Variants in INSYN1 observed in about 807,000 individuals in gnomAD.
The protein encoded by INSYN1 is inhibitory synaptic factor 1.
INSYN1 carries 7 observed loss-of-function variants against 17.1 expected under a neutral mutation model. The observed-to-expected ratio is 0.41, with a 90% CI of 0.23 to 0.77. The LOEUF (loss-of-function observed/expected upper bound fraction) is 0.77, where lower values mean the gene tolerates loss of function less well. Ranked by LOEUF, INSYN1 falls within the 30% of genes least tolerant of loss-of-function variation. The probability of loss-of-function intolerance (pLI) is 0.32; values close to 1 mark genes in which losing one functional copy is unlikely to be tolerated. For synonymous variants in INSYN1, 174 were observed against 166.3 expected (o/e 1.05, Z -0.36); for missense variants, 339 against 400.6 (o/e 0.85, Z 1.31).
At chr15:73,742,329 GGTATGACAATCCCAGACCACCAAGTGA>G (rs1402495531) in intron 2 of INSYN1, among the ~76,000 whole-genome samples, 3 of 152,104 alleles carry the variant, frequency 2.0e-5, no homozygotes, top group Admixed American at 6.5e-5. Context: ...CCTCCAAGTG[GGTATGACAATCCCAGACCACCAAGTGA>G]GTATGACAAT....
chr15:73,742,107 T>C (rs1219249441), intron 2 of INSYN1, among the ~76,000 whole-genome samples: 2 of 152,174 alleles, frequency 1.3e-5, no homozygotes, highest in Admixed American at 1.3e-4. Flanking sequence ...TAGGACTCTG[T>C]TTATAGGAAT....
rs1040770445 is a variant in INSYN1, at chr15:73,738,371, C to T, written c.*1546G>A. On this transcript the variant is annotated 3_prime_UTR_variant, in exon 3 of 3. Transcript: ENST00000569673. ...GGGCAGGTACTGAACTACTTTGAAC[C>T]TCAGTCATCTCATTTGAAAAATGGG... 2 of 152,220 alleles carry T rather than the reference C, an allele frequency of 1.3e-5. No homozygotes were observed. The highest frequency in any genetic ancestry group is 2.9e-5 in the Non-Finnish European group (2 of 68,038). The allele number at this position is 152,220 out of a possible 1,614,324, so 9.4% of individuals were successfully genotyped here.
Position 73,739,925 on chromosome 15 carries a change from T to C in INSYN1, c.874A>G (p.Lys292Glu). 1 of 1,587,962 alleles carries C rather than the reference T, an allele frequency of 6.3e-7. No homozygotes were observed. ...YTATRQKARG[K>E]N ...GGCCCCCTCCCCGGCCCCTAGTTTT[T>C]CCCCCTGGCTTTCTGTCTAGTGGCT... The change falls in exon 3 of 3, where the codon AAA (lysine) becomes GAA (glutamate). Residue 292 changes from lysine (K) to glutamate (E), a missense_variant. Lys to Glu is a moderately conservative substitution (Grantham distance 56). Coordinates refer to ENST00000569673, the MANE Select transcript of INSYN1 (RefSeq NM_001039614.3).
chr15:73,742,343 A>G (rs1901711326), intron 2 of INSYN1, among the ~76,000 whole-genome samples: 1 of 152,196 alleles, frequency 6.6e-6, no homozygotes, highest in South Asian at 2.1e-4. Flanking sequence ...TGACAATCCC[A>G]GACCACCAAG....
chr15:73,740,334 C>T lies in INSYN1; in HGVS notation c.465G>A (p.Glu155=), dbSNP rs771505477. ...CCTCCTCACTGGAGGAGTCTGGGGT[C>T]TCCACTCGTGGCCCATTGGGGATGG... ...GTPIPNGPRV[E]TPDSSSEEAF... is the part of the protein sequence containing the mutation. The change falls in exon 3 of 3, where the codon GAG becomes GAA. Residue 155 remains glutamate, a synonymous_variant. Coordinates refer to ENST00000569673, the MANE Select transcript of INSYN1 (RefSeq NM_001039614.3). The T allele has an allele frequency of 4.3e-6, 7 of 1,609,410 alleles. No homozygotes were observed. In the South Asian group the frequency reaches 7.7e-5, roughly 18 times the overall value.
rs1245620725 is a variant in INSYN1, at chr15:73,736,761, TG to T, written c.*3155del. 6.6e-6 allele frequency: 1 copy of T among 152,208 alleles called. No individual in the cohort carries two copies. Among genetic ancestry groups the T allele is most frequent in the Admixed American group, 6.5e-5 (1 of 15,276 alleles). 9.4% of individuals were successfully genotyped at this position (152,208 alleles called of 1,614,324 possible). A position where few individuals can be genotyped will look rare whatever the true frequency, so the allele number is the denominator to read the frequency against. On this transcript the variant is annotated 3_prime_UTR_variant, in exon 3 of 3. Coordinates refer to ENST00000569673, the MANE Select transcript of INSYN1 (RefSeq NM_001039614.3). ...ATACAAAACTTAGTAGCTGGGGTGG[TG>T]GCGGGTGCCTGTAGTCCAAGCTACT...
At position 73,751,435 on chromosome 15, in the gene INSYN1, G is replaced by A. The variant is rs1040246181; in HGVS notation, c.-305C>T. 9.5e-6 allele frequency: 4 copies of A among 421,136 alleles called. No individual in the cohort carries two copies. The highest frequency in any genetic ancestry group is 2.5e-5 in the South Asian group (1 of 40,236). 26.1% of individuals were successfully genotyped at this position (421,136 alleles called of 1,614,324 possible). A position where few individuals can be genotyped will look rare whatever the true frequency, so the allele number is the denominator to read the frequency against. ...GTGGCCTCCAGGTCTTGAAGTGCCT[G>A]TGGGTGTGCAGAGCTGATCTCTGCC... is the stretch of plus-strand genomic sequence containing the variant. On this transcript the variant is annotated 5_prime_UTR_variant, in exon 2 of 3. Coordinates refer to ENST00000569673, the MANE Select transcript of INSYN1 (RefSeq NM_001039614.3).
In INSYN1 at chr15:73,743,828, C is replaced by CAAAA. The variant is rs71434209; in HGVS notation, c.157-3190_157-3187dup. Among the ~76,000 whole-genome samples, 126 of 21,244 alleles carry CAAAA rather than the reference C, an allele frequency of 5.9e-3. 6 individuals carry two copies. The highest frequency in any genetic ancestry group is 0.018 in the African/African-American group (102 of 5,746). 13.9% of individuals were successfully genotyped at this position (21,244 alleles called of 152,430 possible). A position where few individuals can be genotyped will look rare whatever the true frequency, so the allele number is the denominator to read the frequency against. On this transcript the variant is annotated intron_variant, in intron 2 of 2. Transcript: ENST00000569673. ...CTGGCAACAGAGAGAGACTCTGTCT[C>CAAAA]AAAAAAAAAAAAAAAAAAAAAAAAA...
In INSYN1 at chr15:73,739,246, C is replaced by T. The variant is rs978951999; in HGVS notation, c.*671G>A. On this transcript the variant is annotated 3_prime_UTR_variant, in exon 3 of 3. Coordinates refer to ENST00000569673, the MANE Select transcript of INSYN1 (RefSeq NM_001039614.3). ...GTGGTCCAGACCCTCCAATCAAACC[C>T]CTGCCCAGCCCAGGCGATCCTTCAG... 2.6e-5 allele frequency: 4 copies of T among 152,348 alleles called. No individual in the cohort carries two copies. Among genetic ancestry groups the T allele is most frequent in the Admixed American group, 1.3e-4 (2 of 15,288 alleles). The allele number at this position is 152,348 out of a possible 1,614,324, so 9.4% of individuals were successfully genotyped here. A position where few individuals can be genotyped will look rare whatever the true frequency, so the allele number is the denominator to read the frequency against.
rs1404198968 is a variant in INSYN1, at chr15:73,738,499, A to C, written c.*1418T>G. The C allele has an allele frequency of 1.3e-5, 2 of 152,186 alleles. No individual in the cohort carries two copies. Among genetic ancestry groups the C allele is most frequent in the Non-Finnish European group, 2.9e-5 (2 of 68,040 alleles). 9.4% of individuals were successfully genotyped at this position (152,186 alleles called of 1,614,324 possible). The stretch of plus-strand genomic sequence containing the variant: ...AGGAGTTCAGACCAGCCTGCCCAAC[A>C]TGGTGAAACCCCGTCTCTACTAAAA... On this transcript the variant is annotated 3_prime_UTR_variant, in exon 3 of 3. Transcript: ENST00000569673.
intron 2 of INSYN1, among the ~76,000 whole-genome samples, chr15:73,745,315 C>T (rs965939401): frequency 3.9e-5 from 6 of 152,020 alleles, no homozygotes; most frequent in Non-Finnish European, 7.4e-5. Flanking sequence ...ACCACCCCTA[C>T]ACACTCACAC....
rs568593027 is a variant in INSYN1 at position 73,742,043 on chromosome 15, G to A, written c.157-1401C>T. ...GGTCTCAGTTGCCCAGTCTGTAAGC[G>A]AAGAGGGTGGGTGAACTAGTTTATT... On this transcript the variant is annotated intron_variant, in intron 2 of 2. Transcript: ENST00000569673. Among the ~76,000 whole-genome samples, 16 of 152,318 alleles carry A rather than the reference G, an allele frequency of 1.1e-4. No individual in the cohort carries two copies. The South Asian group carries it at 1.5e-3, about 14-fold the overall frequency.
intron 2 of INSYN1, among the ~76,000 whole-genome samples, chr15:73,750,045 C>T (rs1901939408): frequency 6.6e-6 from 1 of 152,212 alleles, no homozygotes; most frequent in South Asian, 2.1e-4. Context: ...AATCACTCTC[C>T]CTGCCATCTC....
rs1050911092 is a variant in INSYN1 at position 73,752,875 on chromosome 15, T to C, written c.-1333A>G. 4.7e-5 allele frequency: 7 copies of C among 148,008 alleles called. No individual in the cohort carries two copies. Among genetic ancestry groups the C allele is most frequent in the Non-Finnish European group, 1.0e-4 (7 of 66,816 alleles). The allele number at this position is 148,008 out of a possible 1,614,324, so 9.2% of individuals were successfully genotyped here. The stretch of plus-strand genomic sequence containing the variant: ...GCCGGGGGCCCCGGCCGGGCTGGGT[T>C]CGGCGGCCCGGGCGCAGGCGGGAGC... On this transcript the variant is annotated 5_prime_UTR_variant, in exon 1 of 3. Coordinates refer to ENST00000569673, the MANE Select transcript of INSYN1 (RefSeq NM_001039614.3). This position sits in a 1 kb window ranked among gnomAD's most constrained non-coding sequence, Gnocchi z 5.2.
intron 2 of INSYN1, among the ~76,000 whole-genome samples, chr15:73,741,759 C>T (rs1596036898): frequency 6.6e-6 from 1 of 152,228 alleles, no homozygotes; most frequent in African/African-American, 2.4e-5. Flanking sequence ...ACCTCTCTGG[C>T]GCCCTTCAAC....
chr15:73,742,564 T>G (rs2141465746), intron 2 of INSYN1, among the ~76,000 whole-genome samples: 1 of 152,262 alleles, frequency 6.6e-6, no homozygotes, highest in South Asian at 2.1e-4. Flanking sequence ...CACTAGTCCC[T>G]GGAAAGCTGA....
rs1901778242 is a variant in INSYN1, at chr15:73,744,767, T to C, written c.157-4125A>G. Among the ~76,000 whole-genome samples, 2 of 151,436 alleles carry C rather than the reference T, an allele frequency of 1.3e-5. 1 individual carries two copies. Among genetic ancestry groups the C allele is most frequent in the South Asian group, 4.2e-4 (2 of 4,796 alleles). ...GGGAGAGAGAGAGTGGAGAGAGAAATTGAACCATAAAATTACAGAATCAGA... is the reference window on the plus strand; with the variant it reads ...GGGAGAGAGAGAGTGGAGAGAGAAACTGAACCATAAAATTACAGAATCAGA... On this transcript the variant is annotated intron_variant, in intron 2 of 2. Coordinates refer to ENST00000569673, the MANE Select transcript of INSYN1 (RefSeq NM_001039614.3).
Position 73,740,368 on chromosome 15 carries a change from C to T in INSYN1, c.431G>A (p.Gly144Asp). ...GAGPDYRLMN[G>D]GTPIPNGPRV... ...TGGCCCATTGGGGATGGGCGTGCCA[C>T]CATTCATGAGGCGGTAGTCAGGGCC... The change falls in exon 3 of 3, where the codon GGT (glycine) becomes GAT (aspartate). Residue 144 changes from glycine (G) to aspartate (D), a missense_variant. By Grantham distance (94) the Gly-to-Asp change is moderately conservative (BLOSUM62 -1). Coordinates refer to ENST00000569673, the MANE Select transcript of INSYN1 (RefSeq NM_001039614.3). The T allele has an allele frequency of 6.2e-7, 1 of 1,606,964 alleles. No homozygotes were observed. Among genetic ancestry groups the T allele is most frequent in the Non-Finnish European group, 8.5e-7 (1 of 1,176,442 alleles).
In INSYN1 at chr15:73,751,239, C is replaced by A; in HGVS notation, c.-109G>T. On this transcript the variant is annotated 5_prime_UTR_variant, in exon 2 of 3. Coordinates refer to ENST00000569673, the MANE Select transcript of INSYN1 (RefSeq NM_001039614.3). ...TGGGCAGAGCTCCACATTTTAACGG[C>A]CCCCCAGCCCACCCTGGCCCTGGGC... 1 of 1,339,452 alleles carries A rather than the reference C, an allele frequency of 7.5e-7. No individual in the cohort carries two copies. Among genetic ancestry groups the A allele is most frequent in the South Asian group, 1.3e-5 (1 of 74,456 alleles). The allele number at this position is 1,339,452 out of a possible 1,614,324, so 83.0% of individuals were successfully genotyped here.
Sources: gnomAD v4.1 joint callset for allele counts (sites outside exome capture counted in the v4.1 genomes callset) on GRCh38, gnomAD v4.1.1 for gene constraint, Gnocchi (gnomAD v3.1) non-coding constraint, MANE v1.5 for transcripts, NCBI Gene and HGNC (gene_info 2026-07-23, HGNC 2026-07-21) for gene names.